LRFN5: variants seen among roughly 807,000 people sequenced by gnomAD.
LRFN5 encodes leucine-rich repeat and fibronectin type-III domain-containing protein 5.
A neutral mutation model predicts 45.6 loss-of-function variants in LRFN5; 24 were observed. The ratio of observed to expected loss-of-function variants is 0.53; its 90% CI spans 0.38 to 0.74. The LOEUF (loss-of-function observed/expected upper bound fraction) is 0.74, where lower values mean the gene tolerates loss of function less well. Among genes scored for constraint, LRFN5 ranks in the 30% least tolerant of loss-of-function variants. The pLI, the probability that LRFN5 is intolerant of heterozygous loss-of-function variation, is 0.00. For missense variants in LRFN5, 776 were observed against 861.5 expected, an observed-to-expected ratio of 0.90 and a Z score of 1.24; for synonymous variants, 340 against 313.8, an observed-to-expected ratio of 1.08 and a Z score of -0.88.
intron 1 of LRFN5, among the ~76,000 whole-genome samples, chr14:41,730,754 A>G (rs996515839): frequency 1.3e-5 from 2 of 151,758 alleles, no homozygotes; most frequent in East Asian, 3.9e-4. Context: ...TAGAATATAT[A>G]TGTATATATC....
intron 2 of LRFN5, among the ~76,000 whole-genome samples, chr14:41,804,474 C>A (rs2138975852): frequency 6.6e-6 from 1 of 152,184 alleles, no homozygotes. Flanking sequence ...AGTTGCAAAT[C>A]TTGTGACCTC....
chr14:41,722,661 A>G (rs990904842), intron 1 of LRFN5, among the ~76,000 whole-genome samples: 1 of 149,740 alleles, frequency 6.7e-6, no homozygotes, highest in Non-Finnish European at 1.5e-5. Context: ...CTTTGCCTCT[A>G]TAGCCCTATG....
chr14:41,894,989 C>A, intron 4 of LRFN5: 1 of 978,306 alleles, frequency 1.0e-6, no homozygotes, highest in Non-Finnish European at 1.2e-6. Flanking sequence ...ATTTTTGCTT[C>A]CTCGTTCTTA....
At chr14:41,724,045 G>A (rs573629567) in intron 1 of LRFN5, among the ~76,000 whole-genome samples, 1 of 152,238 alleles carries the variant, frequency 6.6e-6, no homozygotes, top group South Asian at 2.1e-4. Flanking sequence ...CGAATTCCAT[G>A]TGAAAAGATG....
intron 1 of LRFN5, among the ~76,000 whole-genome samples, chr14:41,671,534 T>C (rs1881211726): frequency 6.6e-6 from 1 of 151,760 alleles, no homozygotes; most frequent in South Asian, 2.1e-4. Context: ...TCTTAAAATA[T>C]TACTTCGTGG....
intron 4 of LRFN5, among the ~76,000 whole-genome samples, chr14:41,898,046 C>A (rs1890995326): frequency 6.6e-6 from 1 of 151,904 alleles, no homozygotes. Context: ...ATGTGAACAT[C>A]TCCTATTATT....
intron 1 of LRFN5, among the ~76,000 whole-genome samples, chr14:41,720,307 T>C (rs542225645): frequency 6.6e-6 from 1 of 152,170 alleles, no homozygotes. Context: ...ATGATGTATA[T>C]GTACCACATT....
intron 1 of LRFN5, among the ~76,000 whole-genome samples, chr14:41,623,556 G>T (rs560955558): frequency 2.0e-5 from 3 of 152,152 alleles, no homozygotes; most frequent in African/African-American, 7.2e-5. Context: ...AATCAAACGT[G>T]GTTCAGTTGC....
chr14:41,674,009 G>T (rs1176564430), intron 1 of LRFN5, among the ~76,000 whole-genome samples: 1 of 145,312 alleles, frequency 6.9e-6, no homozygotes, highest in Non-Finnish European at 1.5e-5. Flanking sequence ...TCACTTCCCA[G>T]ACGCGGTGGC....
intron 1 of LRFN5, among the ~76,000 whole-genome samples, chr14:41,642,225 A>G (rs17112163): frequency 0.059 from 8,932 of 152,192 alleles, 608 homozygotes; most frequent in African/African-American, 0.17. Flanking sequence ...AAATAAATAC[A>G]CATACTGAAT....
At chr14:41,696,431 G>T (rs143463487) in intron 1 of LRFN5, among the ~76,000 whole-genome samples, 2 of 151,860 alleles carry the variant, frequency 1.3e-5, no homozygotes, top group African/African-American at 4.8e-5. Context: ...ATATTACAGA[G>T]AAATATTTTG....
intron 2 of LRFN5, among the ~76,000 whole-genome samples, chr14:41,828,253 TA>T (rs1230031482): frequency 6.6e-6 from 1 of 152,032 alleles, no homozygotes; most frequent in African/African-American, 2.4e-5. Context: ...TTATTGCTGT[TA>T]TTATAGGATA....
intron 5 of LRFN5, among the ~76,000 whole-genome samples, chr14:41,903,477 C>A (rs1298297715): frequency 6.6e-6 from 1 of 151,200 alleles, no homozygotes; most frequent in Non-Finnish European, 1.5e-5. Context: ...GAATAGACTT[C>A]ATTAGACATA....
intron 1 of LRFN5, among the ~76,000 whole-genome samples, chr14:41,756,436 C>G (rs988046015): frequency 4.6e-5 from 7 of 152,112 alleles, no homozygotes; most frequent in African/African-American, 1.4e-4. Flanking sequence ...TCACATAGTC[C>G]CATATTTCTT....
intron 1 of LRFN5, among the ~76,000 whole-genome samples, chr14:41,692,488 A>G (rs1338195285): frequency 1.3e-5 from 2 of 152,060 alleles, no homozygotes; most frequent in Non-Finnish European, 2.9e-5. Flanking sequence ...ATGTGTATAC[A>G]TGTGCCATGT....
intron 1 of LRFN5, among the ~76,000 whole-genome samples, chr14:41,765,260 T>A (rs1885833804): frequency 6.7e-6 from 1 of 148,950 alleles, no homozygotes. Context: ...GAGAATGGCG[T>A]GAACCCGGGA....
chr14:41,726,380 A>C (rs1001199832), intron 1 of LRFN5, among the ~76,000 whole-genome samples: 6 of 152,172 alleles, frequency 3.9e-5, no homozygotes, highest in African/African-American at 1.4e-4. Flanking sequence ...TCTTTGTTAA[A>C]TAACAAATAT....
Position 41,845,181 on chromosome 14 carries a change from G to T in LRFN5, c.-20-41425G>T, listed in dbSNP as rs578246986. On this transcript the variant is annotated intron_variant, in intron 2 of 5. Coordinates refer to ENST00000298119, the MANE Select transcript of LRFN5 (RefSeq NM_152447.5). ...AATATTTTAATCCAGTTACGGTTTA[G>T]CTAGAAGATAGATTAATAAGCATGC... 3.7e-4 allele frequency among the ~76,000 whole-genome samples: 56 copies of T among 152,074 alleles called. No homozygotes were observed. In the South Asian group the frequency reaches 0.01, roughly 28 times the overall value.
chr14:41,761,286 G>A (rs1188996996), intron 1 of LRFN5, among the ~76,000 whole-genome samples: 1 of 149,522 alleles, frequency 6.7e-6, no homozygotes, highest in Admixed American at 6.7e-5. Flanking sequence ...AAGAGAGGAA[G>A]GAAGGAAAGG....
Sources: allele counts gnomAD v4.1 joint callset (sites outside exome capture counted in the v4.1 genomes callset), GRCh38; gene constraint gnomAD v4.1.1; transcripts MANE v1.5; gene names NCBI Gene and HGNC (gene_info 2026-07-23, HGNC 2026-07-21).